The following ATP8B4 variants were observed in gnomAD, a reference collection of about 807,000 sequenced individuals.
ATP8B4 encodes ATPase phospholipid transporting 8B4 (putative).
Under a neutral mutation model 145.6 loss-of-function variants are expected in ATP8B4, and 133 were observed. The ratio of observed to expected loss-of-function variants is 0.91; its 90% confidence interval spans 0.79 to 1.05. The LOEUF is 1.05. ATP8B4 is among the 50% of genes least tolerant of loss of function. The pLI, the probability that ATP8B4 is intolerant of heterozygous loss-of-function variation, is 0.00. For missense variants in ATP8B4, 1,458 were observed against 1,425.2 expected, an observed-to-expected ratio of 1.02 and a Z score of -0.37; for synonymous variants, 507 against 492.9, an observed-to-expected ratio of 1.03 and a Z score of -0.38.
intron 14 of ATP8B4, among the ~76,000 whole-genome samples, chr15:49,953,356 C>A (rs780238772): frequency 6.6e-6 from 1 of 152,134 alleles, no homozygotes; most frequent in Non-Finnish European, 1.5e-5. Flanking sequence ...CACCCCTCCC[C>A]CTAGGGGCTC....
At chr15:50,061,587 C>T (rs538191707) in intron 3 of ATP8B4, among the ~76,000 whole-genome samples, 1 of 152,240 alleles carries the variant, frequency 6.6e-6, no homozygotes, top group Non-Finnish European at 1.5e-5. Flanking sequence ...AAATTAACTG[C>T]TTTTCATATT....
At chr15:50,139,311 T>A (rs532970308) in intron 1 of ATP8B4, among the ~76,000 whole-genome samples, 24 of 152,184 alleles carry the variant, frequency 1.6e-4, no homozygotes, top group Non-Finnish European at 2.4e-4. Flanking sequence ...CCGGAAGCCA[T>A]CATTCTCAGC....
At chr15:49,947,823 C>T (rs1357001550) in intron 14 of ATP8B4, among the ~76,000 whole-genome samples, 12 of 151,988 alleles carry the variant, frequency 7.9e-5, no homozygotes, top group Admixed American at 7.9e-4. Context: ...TAAACCCACA[C>T]ATAAACAGAT....
intron 14 of ATP8B4, among the ~76,000 whole-genome samples, chr15:49,940,882 A>G (rs955872903): frequency 6.6e-6 from 1 of 152,260 alleles, no homozygotes; most frequent in Admixed American, 6.5e-5. Context: ...CTTGTTCATC[A>G]CAGCATAAAA....
At position 50,060,260 on chromosome 15, in the gene ATP8B4, C is replaced by T. The variant is rs145253958; in HGVS notation, c.88-12796G>A. Reference sequence around the variant, plus strand: ...CACCTCAAGCCTTAAACTTAATACACGCAGGTTAAGAACAAAGACCTTCCT... The same window carrying T: ...CACCTCAAGCCTTAAACTTAATACATGCAGGTTAAGAACAAAGACCTTCCT... On this transcript the variant is annotated intron_variant, in intron 3 of 27. Transcript: ENST00000284509. Among the ~76,000 whole-genome samples the T allele has an allele frequency of 1.1e-3, 162 of 152,248 alleles. 3 individuals are homozygous for T. In the East Asian group the frequency reaches 0.028, roughly 26 times the overall value.
intron 20 of ATP8B4, among the ~76,000 whole-genome samples, chr15:49,905,640 A>G (rs1202774741): frequency 1.3e-5 from 2 of 152,204 alleles, no homozygotes; most frequent in Non-Finnish European, 2.9e-5. Flanking sequence ...ATTATTTTCC[A>G]GTCAGCTGAG....
chr15:50,147,441 AG>A lies in ATP8B4; in HGVS notation c.-43+34819del, dbSNP rs1352717428. Among the ~76,000 whole-genome samples the A allele has an allele frequency of 2.1e-3, 284 of 133,060 alleles. 1 individual carries two copies. The highest frequency in any genetic ancestry group is 3.5e-3 in the Non-Finnish European group (206 of 59,414). The allele number at this position is 133,060 out of a possible 152,430, so 87.3% of individuals were successfully genotyped here. A position where few individuals can be genotyped will look rare whatever the true frequency, so the allele number is the denominator to read the frequency against. ...TCTCCAAAAAAAAAAAAAAAAAAAAAGTATATACTTCCTATTTTGTCCATTG... is the reference window on the plus strand; with the variant it reads ...TCTCCAAAAAAAAAAAAAAAAAAAAATATATACTTCCTATTTTGTCCATTG... On this transcript the variant is annotated intron_variant, in intron 1 of 3. Transcript: ENST00000558829.
rs571435688 is a variant in ATP8B4, at chr15:50,014,702, TAG to T, written c.363-3787_363-3786del. Among the ~76,000 whole-genome samples, 35 of 152,332 alleles carry T rather than the reference TAG, an allele frequency of 2.3e-4. No individual in the cohort carries two copies. The South Asian group carries it at 7.0e-3, about 31-fold the overall frequency. ...TGTTTATCTGAAATCCAAATTTAAA[TAG>T]AGTCTTATATTTTAATTTGCTACAT... On this transcript the variant is annotated intron_variant, in intron 6 of 27. Transcript: ENST00000284509.
chr15:49,873,354 TATC>T, intron 25 of ATP8B4, among the ~76,000 whole-genome samples: 1 of 152,334 alleles, frequency 6.6e-6, no homozygotes, highest in Admixed American at 6.5e-5. Context: ...TTTGCCATTG[TATC>T]ATTTGCCATA....
chr15:50,098,561 G>A (rs1408071279), intron 2 of ATP8B4, among the ~76,000 whole-genome samples: 2 of 151,918 alleles, frequency 1.3e-5, no homozygotes, highest in African/African-American at 4.8e-5. Context: ...TAGGATAACA[G>A]GCATGAGCCA....
intron 1 of ATP8B4, among the ~76,000 whole-genome samples, chr15:50,117,193 G>T (rs911131986): frequency 2.6e-5 from 4 of 152,138 alleles, no homozygotes; most frequent in Admixed American, 1.3e-4. Flanking sequence ...GAGATTACAG[G>T]AGCCCACCAC....
chr15:49,966,056 G>A (rs4471619), intron 13 of ATP8B4, among the ~76,000 whole-genome samples: 19,428 of 152,184 alleles, frequency 0.13, 1,647 homozygotes, highest in East Asian at 0.34. Context: ...AAGCCTTGAG[G>A]GACTGTGCCA....
At chr15:50,033,493 A>G (rs898154151) in intron 6 of ATP8B4, among the ~76,000 whole-genome samples, 1 of 152,246 alleles carries the variant, frequency 6.6e-6, no homozygotes, top group African/African-American at 2.4e-5. Context: ...AAGAATGAAC[A>G]GAGAATCCTC....
At chr15:49,910,030 A>G (rs2039067575) in intron 20 of ATP8B4, among the ~76,000 whole-genome samples, 1 of 152,144 alleles carries the variant, frequency 6.6e-6, no homozygotes, top group South Asian at 2.1e-4. Context: ...CATAAAAATA[A>G]TTCAAAATAA....
Position 49,872,468 on chromosome 15 carries a change from A to T in ATP8B4, c.3027+3810T>A, listed in dbSNP as rs941914765. Among the ~76,000 whole-genome samples, 3 of 152,318 alleles carry T rather than the reference A, an allele frequency of 2.0e-5. No homozygotes were observed. The East Asian group carries it at 5.8e-4, about 29-fold the overall frequency. Reference sequence around the variant, plus strand: ...ATGGAAAGGGAAATATAGTCAGCTTACAGTGGAGAAACCTGAAAAACATCA... The same window carrying T: ...ATGGAAAGGGAAATATAGTCAGCTTTCAGTGGAGAAACCTGAAAAACATCA... On this transcript the variant is annotated intron_variant, in intron 25 of 27. Transcript: ENST00000284509.
In ATP8B4 at chr15:49,961,990, G is replaced by A; in HGVS notation, c.1274C>T (p.Thr425Ile). ...GEVHDDLDQKTEITQEKEPVD... is the reference protein window; with the variant it reads ...GEVHDDLDQKIEITQEKEPVD... ...TCACTTCCACACCTGAGTTATTTCT[G>A]TCTTCTGATCCAGGTCATCATGTAC... Residue 425 changes from threonine to isoleucine, a missense_variant, in exon 14 of 28, where the codon ACA becomes ATA. Physicochemically the swap from Thr to Ile is moderately conservative, Grantham distance 89. Coordinates refer to ENST00000284509, the MANE Select transcript of ATP8B4 (RefSeq NM_024837.4). 6.3e-7 allele frequency: 1 copy of A among 1,595,344 alleles called. No individual in the cohort carries two copies. The highest frequency in any genetic ancestry group is 8.5e-7 in the Non-Finnish European group (1 of 1,174,104).
chr15:50,073,007 TATATATATATATACACACACACACAC>T (rs1364633238), intron 3 of ATP8B4, among the ~76,000 whole-genome samples: 656 of 55,430 alleles, frequency 0.012, 10 homozygotes, highest in Middle Eastern at 0.027. Flanking sequence ...TATATATATA[TATATATATATATACACACACACACAC>T]ACACACACAC....
chr15:50,097,994 C>T (rs182321598), intron 2 of ATP8B4, among the ~76,000 whole-genome samples: 2 of 152,202 alleles, frequency 1.3e-5, no homozygotes. Flanking sequence ...AATACAAATG[C>T]CTGGTAAGTA....
chr15:50,070,352 C>G (rs1217482568), intron 3 of ATP8B4, among the ~76,000 whole-genome samples: 1 of 152,154 alleles, frequency 6.6e-6, no homozygotes, highest in African/African-American at 2.4e-5. Context: ...CAAATCCCAG[C>G]TCTACTTAGA....
Sources: gnomAD v4.1 joint callset for allele counts (sites outside exome capture counted in the v4.1 genomes callset) on GRCh38, gnomAD v4.1.1 for gene constraint, MANE v1.5 for transcripts, NCBI Gene and HGNC (gene_info 2026-07-23, HGNC 2026-07-21) for gene names.